Variants in OTUD4 observed in about 807,000 individuals in gnomAD.
The protein encoded by OTUD4 is OTU deubiquitinase 4.
OTUD4 carries 24 observed loss-of-function variants against 130.4 expected under a neutral mutation model. That is an observed-to-expected ratio of 0.18 (90% CI 0.13 to 0.26). OTUD4 has a LOEUF of 0.26. Among genes scored for constraint, OTUD4 ranks in the 10% least tolerant of loss-of-function variants. OTUD4 has a pLI of 1.00. For synonymous variants in OTUD4, 420 were observed against 472.5 expected, an observed-to-expected ratio of 0.89 and a Z score of 1.44; for missense variants, 1,031 against 1,329.4, an observed-to-expected ratio of 0.78 and a Z score of 3.49.
Position 145,180,332 on chromosome 4 carries a change from T to C in OTUD4, c.-359A>G, listed in dbSNP as rs1479952007. Among the ~76,000 whole-genome samples the C allele has an allele frequency of 6.6e-6, 1 of 151,834 alleles. No homozygotes were observed. The highest frequency in any genetic ancestry group is 2.4e-5 in the African/African-American group (1 of 41,354). On this transcript the variant is annotated 5_prime_UTR_variant, in exon 1 of 21. Transcript: ENST00000447906. The stretch of plus-strand genomic sequence containing the variant: ...GTCGCCGCCCCCACAAGTTTCCTCC[T>C]CCGTACCGGTGTGAAGCGAGAAAAC...
rs140860184 is a variant in OTUD4 at position 145,138,414 on chromosome 4, C to T, written c.2361G>A (p.Pro787=). 2.2e-5 allele frequency: 36 copies of T among 1,614,034 alleles called. No homozygotes were observed. The highest frequency in any genetic ancestry group is 1.6e-4 in the Middle Eastern group (1 of 6,084). The stretch of plus-strand genomic sequence containing the variant: ...TAACCAGAGGTGAAGAAAATGTCGG[C>T]GGTCCAATCTCTGGCTGTGGCATTT... ...NGQMPQPEIG[P]PTFSSPLVIP... Residue 787 remains proline (P), a synonymous_variant, in exon 21 of 21, where the codon CCG becomes CCA. Transcript: ENST00000447906.
Position 145,137,426 on chromosome 4 carries a change from A to G in OTUD4, c.*4T>C. ...TCTGTTAGAAAATACTTCGGCAACAACCATCAAGTGTGCTGTCCCCTATGG... is the reference window on the plus strand; with the variant it reads ...TCTGTTAGAAAATACTTCGGCAACAGCCATCAAGTGTGCTGTCCCCTATGG... On this transcript the variant is annotated 3_prime_UTR_variant, in exon 21 of 21. Transcript: ENST00000447906. 6.3e-7 allele frequency: 1 copy of G among 1,591,434 alleles called. No individual in the cohort carries two copies. Among genetic ancestry groups the G allele is most frequent in the Non-Finnish European group, 8.6e-7 (1 of 1,166,726 alleles).
Position 145,144,303 on chromosome 4 carries a change from T to A in OTUD4, c.1546+8A>T, listed in dbSNP as rs1750720254. ...TAGCATCTGCTTTCTAATGATGAGATAACTTACCTTTGTCTTTTCGTTCTT... is the reference window on the plus strand; with the variant it reads ...TAGCATCTGCTTTCTAATGATGAGAAAACTTACCTTTGTCTTTTCGTTCTT... On this transcript the variant is annotated splice_region_variant and intron_variant, in intron 15 of 20. Transcript: ENST00000447906. 3 of 1,608,826 alleles carry A rather than the reference T, an allele frequency of 1.9e-6. No homozygotes were observed. The highest frequency in any genetic ancestry group is 2.7e-5 in the African/African-American group (2 of 74,618).
chr4:145,175,991 C>T (rs933216505), intron 1 of OTUD4, among the ~76,000 whole-genome samples: 14 of 151,854 alleles, frequency 9.2e-5, no homozygotes, highest in East Asian at 7.8e-4. Flanking sequence ...CTCAGCCTCC[C>T]GAGTAGCCGG....
chr4:145,144,048 G>C, intron 15 of OTUD4, 47 bp from the exon 16 acceptor site: 1 of 1,420,806 alleles, frequency 7.0e-7, no homozygotes, highest in Non-Finnish European at 9.9e-7. Flanking sequence ...CACCAGTCAT[G>C]TCTGAACACA....
At position 145,155,958 on chromosome 4, in the gene OTUD4, A is replaced by C; in HGVS notation, c.668T>G (p.Phe223Cys). The change falls in exon 8 of 21, where the codon TTT becomes TGT. Residue 223 changes from phenylalanine (F) to cysteine (C), a missense_variant. Physicochemically the swap from Phe to Cys is radical, Grantham distance 205 (BLOSUM62 -2). Coordinates refer to ENST00000447906, the MANE Select transcript of OTUD4 (RefSeq NM_001366057.1). ...TAAAAADVNG[F>C]KPLSGNEQLK... ...TACCTCATTGCCTGACAAAGGTTTA[A>C]ATCCATTCACATCAGCAGCAGCAGC... 1 of 1,612,084 alleles carries C rather than the reference A, an allele frequency of 6.2e-7. No individual in the cohort carries two copies. Among genetic ancestry groups the C allele is most frequent in the Non-Finnish European group, 8.5e-7 (1 of 1,179,220 alleles).
intron 2 of OTUD4, among the ~76,000 whole-genome samples, chr4:145,173,296 A>C (rs1392776510): frequency 6.6e-6 from 1 of 152,194 alleles, no homozygotes; most frequent in Non-Finnish European, 1.5e-5. Context: ...CTGGAGGCTG[A>C]GGCAGGAGAA....
rs1241166436 is a variant in OTUD4 at position 145,137,111 on chromosome 4, A to C, written c.*319T>G. The C allele has an allele frequency of 6.3e-5, 13 of 207,496 alleles. No homozygotes were observed. Among genetic ancestry groups the C allele is most frequent in the Non-Finnish European group, 1.2e-4 (12 of 104,158 alleles). The allele number at this position is 207,496 out of a possible 1,614,324, so 12.9% of individuals were successfully genotyped here. ...AAACTTATAAACTTATAAGGAAAAA[A>C]GCCAAACACTAAATCTATAATGTTT... On this transcript the variant is annotated 3_prime_UTR_variant, in exon 21 of 21. Coordinates refer to ENST00000447906, the MANE Select transcript of OTUD4 (RefSeq NM_001366057.1).
chr4:145,175,020 A>T (rs948965915), intron 1 of OTUD4, among the ~76,000 whole-genome samples: 10 of 152,142 alleles, frequency 6.6e-5, no homozygotes, highest in Admixed American at 6.5e-4. Context: ...AATTTAGGAC[A>T]CTCTCTTCCC....
chr4:145,169,464 T>C (rs1351607978), intron 3 of OTUD4, among the ~76,000 whole-genome samples: 1 of 152,176 alleles, frequency 6.6e-6, no homozygotes, highest in Non-Finnish European at 1.5e-5. Flanking sequence ...TATACAGCCA[T>C]ATATTAGGAA....
At chr4:145,172,808 C>T (rs1174224836) in intron 2 of OTUD4, among the ~76,000 whole-genome samples, 2 of 151,992 alleles carry the variant, frequency 1.3e-5, no homozygotes, top group African/African-American at 4.8e-5. Context: ...TAAAGGGCTA[C>T]TGTTCTGTAT....
chr4:145,170,384 G>C (rs1752098767), intron 3 of OTUD4, among the ~76,000 whole-genome samples: 1 of 152,218 alleles, frequency 6.6e-6, no homozygotes, highest in South Asian at 2.1e-4. Context: ...ACTGTTTTCT[G>C]AATCTGCTTT....
rs1750716220 is a variant in OTUD4, at chr4:145,144,230, G to GACAAAAAAAAAC, written c.1546+80_1546+81insGTTTTTTTTTGT. 3.4e-6 allele frequency: 5 copies of GACAAAAAAAAAC among 1,457,536 alleles called. No homozygotes were observed. The South Asian group carries it at 6.4e-5, about 19-fold the overall frequency. 90.3% of individuals were successfully genotyped at this position (1,457,536 alleles called of 1,614,324 possible). A position where few individuals can be genotyped will look rare whatever the true frequency, so the allele number is the denominator to read the frequency against. ...TAAACTACTTAACAACTTAAAAAGG[G>GACAAAAAAAAAC]TTCTTTCCCAAATATATGACATTAA... On this transcript the variant is annotated intron_variant, in intron 15 of 20. Coordinates refer to ENST00000447906, the MANE Select transcript of OTUD4 (RefSeq NM_001366057.1).
chr4:145,139,950 C>A lies in OTUD4; in HGVS notation c.2124+1G>T. 2 of 806,576 alleles carry A rather than the reference C, an allele frequency of 2.5e-6. No individual in the cohort carries two copies. The highest frequency in any genetic ancestry group is 3.2e-5 in the East Asian group (1 of 31,024). 50.0% of individuals were successfully genotyped at this position (806,576 alleles called of 1,614,324 possible). ...CTTTTAAGATGATAAAATGTAAATA[C>A]CTTCACACCAAGATTGAAGAAGAAT... On this transcript the variant is annotated splice_donor_variant, in intron 20 of 20. Coordinates refer to ENST00000447906, the MANE Select transcript of OTUD4 (RefSeq NM_001366057.1). LOFTEE classifies it high-confidence loss of function.
At chr4:145,142,374 A>G (rs1384835585) in intron 17 of OTUD4, 40 bp from the exon 18 acceptor site, 2 of 1,595,468 alleles carry the variant, frequency 1.3e-6, no homozygotes, top group Middle Eastern at 1.7e-4. Context: ...AGAAAAAGAC[A>G]AGAGGTCATT....
chr4:145,179,754 C>G (rs373120829), intron 1 of OTUD4, 61 bp downstream of exon 1: 3 of 1,439,230 alleles, frequency 2.1e-6, no homozygotes, highest in Non-Finnish European at 2.8e-6. Flanking sequence ...TGCCTCCCCA[C>G]CCAGACCCGC....
intron 14 of OTUD4, among the ~76,000 whole-genome samples, chr4:145,145,874 A>G (rs777599592): frequency 5.3e-5 from 8 of 152,252 alleles, no homozygotes; most frequent in Admixed American, 1.3e-4. Flanking sequence ...CACCTCCAAC[A>G]GCAAACACCC....
rs138197848 is a variant in OTUD4, at chr4:145,156,946, A to G, written c.630-950T>C. Among the ~76,000 whole-genome samples the G allele has an allele frequency of 3.3e-5, 5 of 152,278 alleles. No homozygotes were observed. The East Asian group carries it at 9.7e-4, about 29-fold the overall frequency. ...CAGTATTCTCGGGATGTGACACCCAAGTATACAGAGGGCCAGCTTTTCATA... is the reference window on the plus strand; with the variant it reads ...CAGTATTCTCGGGATGTGACACCCAGGTATACAGAGGGCCAGCTTTTCATA... On this transcript the variant is annotated intron_variant, in intron 7 of 20. Coordinates refer to ENST00000447906, the MANE Select transcript of OTUD4 (RefSeq NM_001366057.1).
intron 7 of OTUD4, among the ~76,000 whole-genome samples, chr4:145,158,846 T>A (rs917677173): frequency 1.3e-5 from 2 of 152,252 alleles, no homozygotes; most frequent in African/African-American, 4.8e-5. Flanking sequence ...ATACTGATTA[T>A]ATCCTAATTT....
Sources: allele counts gnomAD v4.1 joint callset (sites outside exome capture counted in the v4.1 genomes callset), GRCh38; gene constraint gnomAD v4.1.1; transcripts MANE v1.5; gene names NCBI Gene and HGNC (gene_info 2026-07-23, HGNC 2026-07-21).